Variants in TXNDC8 observed in about 807,000 individuals in gnomAD.
TXNDC8 encodes thioredoxin domain-containing protein 8.
In TXNDC8, 15 loss-of-function variants were observed where a neutral mutation model predicts 12.9. That is an observed-to-expected ratio of 1.16 (90% CI 0.78 to 1.79). The LOEUF is 1.79. TXNDC8 is among the 40% of genes most tolerant of loss of function. TXNDC8 has a pLI of 0.00. For synonymous variants in TXNDC8, 40 were observed against 35.4 expected (o/e 1.13, Z -0.46); for missense variants, 128 against 113.2 (o/e 1.13, Z -0.59).
Position 110,325,513 on chromosome 9 carries a change from C to CTT in TXNDC8, c.195+660_195+661dup, listed in dbSNP as rs201113003. 9.6e-3 allele frequency among the ~76,000 whole-genome samples: 1,124 copies of CTT among 117,512 alleles called. 29 individuals are homozygous for CTT. The highest frequency in any genetic ancestry group is 0.036 in the African/African-American group (1,003 of 28,056). 77.1% of individuals were successfully genotyped at this position (117,512 alleles called of 152,430 possible). ...CAAGTATTGTTTAAACTTGTATACA[C>CTT]TTTTTTTTTTTTTTTTTTTTTGAGA... On this transcript the variant is annotated intron_variant, in intron 3 of 4. Coordinates refer to ENST00000423740, the MANE Select transcript of TXNDC8 (RefSeq NM_001286946.2).
chr9:110,308,039 A>G (rs544419257), intron 3 of TXNDC8, among the ~76,000 whole-genome samples: 1 of 152,326 alleles, frequency 6.6e-6, no homozygotes, highest in South Asian at 2.1e-4. Flanking sequence ...TTCTGAGTGG[A>G]GTTACCCCTG....
chr9:110,336,423 G>A (rs1839762516), intron 1 of TXNDC8, among the ~76,000 whole-genome samples: 1 of 152,126 alleles, frequency 6.6e-6, no homozygotes, highest in African/African-American at 2.4e-5. Context: ...AAGTTGTAAG[G>A]TAGATGCTAT....
At chr9:110,329,079 G>A (rs1259176970) in intron 2 of TXNDC8, among the ~76,000 whole-genome samples, 153 bp downstream of exon 3, 5 of 152,008 alleles carry the variant, frequency 3.3e-5, no homozygotes, top group Admixed American at 6.6e-5. Context: ...ACATATAAGA[G>A]CATAATGAGG....
In TXNDC8 at chr9:110,322,344, T is replaced by C. The variant is rs544977577; in HGVS notation, c.195+3831A>G. ...GAATATGGAAGTGTAATCATCTTAATGGTTTAATTTGTTTTCTAATAGCTG... is the reference window on the plus strand; with the variant it reads ...GAATATGGAAGTGTAATCATCTTAACGGTTTAATTTGTTTTCTAATAGCTG... On this transcript the variant is annotated intron_variant, in intron 3 of 4. Coordinates refer to ENST00000423740, the MANE Select transcript of TXNDC8 (RefSeq NM_001286946.2). 4.1e-6 allele frequency: 4 copies of C among 980,098 alleles called. No individual in the cohort carries two copies. The East Asian group carries it at 4.6e-4, about 112-fold the overall frequency. 60.7% of individuals were successfully genotyped at this position (980,098 alleles called of 1,614,324 possible).
At chr9:110,331,657 G>C (rs1839547361) in intron 2 of TXNDC8, among the ~76,000 whole-genome samples, 1 of 152,178 alleles carries the variant, frequency 6.6e-6, no homozygotes, top group Non-Finnish European at 1.5e-5. Context: ...CTGGGGGTGG[G>C]GGGATGGTTT....
At chr9:110,321,726 A>C in intron 3 of TXNDC8, among the ~76,000 whole-genome samples, 1 of 90,276 alleles carries the variant, frequency 1.1e-5, no homozygotes, top group African/African-American at 4.2e-5. Flanking sequence ...AGTTCTATGA[A>C]AAAAAAAAAA....
intron 3 of TXNDC8, among the ~76,000 whole-genome samples, chr9:110,316,135 G>A (rs1838878399): frequency 1.3e-5 from 2 of 148,542 alleles, no homozygotes; most frequent in African/African-American, 2.5e-5. Context: ...GGCTGGTCTC[G>A]AACACCTGGC....
intron 2 of TXNDC8, among the ~76,000 whole-genome samples, chr9:110,331,654 TG>T (rs1414781918): frequency 6.6e-6 from 1 of 151,942 alleles, no homozygotes. Context: ...AGACTGGGGG[TG>T]GGGGGATGGT....
intron 3 of TXNDC8, among the ~76,000 whole-genome samples, chr9:110,320,333 T>G (rs1839043774): frequency 6.6e-6 from 1 of 152,158 alleles, no homozygotes; most frequent in Non-Finnish European, 1.5e-5. Flanking sequence ...GAATAAGTCT[T>G]ATGAGAACCT....
intron 3 of TXNDC8, among the ~76,000 whole-genome samples, chr9:110,313,443 G>A (rs944342089): frequency 6.6e-6 from 1 of 151,984 alleles, no homozygotes; most frequent in Non-Finnish European, 1.5e-5. Flanking sequence ...GCTCACACCT[G>A]TAATCTCAGC....
At chr9:110,310,489 A>T (rs1838625103) in intron 3 of TXNDC8, among the ~76,000 whole-genome samples, 2 of 152,148 alleles carry the variant, frequency 1.3e-5, no homozygotes, top group South Asian at 4.1e-4. Context: ...AATCTACAAG[A>T]TGTACTTCTA....
chr9:110,332,086 G>A (rs62580834), intron 2 of TXNDC8, among the ~76,000 whole-genome samples: 22,571 of 152,258 alleles, frequency 0.15, 2,124 homozygotes, highest in Middle Eastern at 0.29. Flanking sequence ...GTGGGTCTGT[G>A]CTGTTCTGAA....
chr9:110,323,192 A>G, intron 3 of TXNDC8: 8 of 985,458 alleles, frequency 8.1e-6, no homozygotes, highest in Non-Finnish European at 8.4e-6. Flanking sequence ...TAAGTAAAAA[A>G]GTATTTATAG....
intron 3 of TXNDC8, among the ~76,000 whole-genome samples, chr9:110,313,768 G>T (rs577087222): frequency 7.9e-5 from 12 of 152,088 alleles, no homozygotes; most frequent in Non-Finnish European, 1.3e-4. Flanking sequence ...TTCCAGGATT[G>T]TTCTTTTGTT....
intron 3 of TXNDC8, among the ~76,000 whole-genome samples, chr9:110,309,210 A>T (rs1183197120): frequency 4.6e-5 from 7 of 152,192 alleles, no homozygotes; most frequent in African/African-American, 1.7e-4. Context: ...AAGAGAAACA[A>T]CATTTGCTCC....
intron 2 of TXNDC8, among the ~76,000 whole-genome samples, chr9:110,330,063 A>G (rs988262644): frequency 6.6e-6 from 1 of 152,210 alleles, no homozygotes; most frequent in Non-Finnish European, 1.5e-5. Context: ...CAGTGACAAC[A>G]GTGGCCTGTA....
At position 110,313,210 on chromosome 9, in the gene TXNDC8, G is replaced by A. The variant is rs571428528; in HGVS notation, c.196-8678C>T. Among the ~76,000 whole-genome samples, 16 of 152,080 alleles carry A rather than the reference G, an allele frequency of 1.1e-4. No individual in the cohort carries two copies. The South Asian group carries it at 2.9e-3, about 28-fold the overall frequency. The stretch of plus-strand genomic sequence containing the variant: ...TGTGAGCCACCATGCCTGCCCCTAC[G>A]AGTCTTCAAAATAATGTTTCAATTT... On this transcript the variant is annotated intron_variant, in intron 3 of 4. Transcript: ENST00000423740.
At chr9:110,305,811 C>T (rs113137481) in intron 3 of TXNDC8, among the ~76,000 whole-genome samples, 13 of 77,068 alleles carry the variant, frequency 1.7e-4, no homozygotes, top group Middle Eastern at 7.1e-3. Context: ...TCTTTTCTTT[C>T]CTTTCCTTTC....
chr9:110,331,382 TC>T (rs1839535881), intron 2 of TXNDC8, among the ~76,000 whole-genome samples: 2 of 152,298 alleles, frequency 1.3e-5, no homozygotes, highest in East Asian at 3.9e-4. Context: ...GCCTCCCGTT[TC>T]CCATGACTTC....
Sources: allele counts gnomAD v4.1 joint callset (sites outside exome capture counted in the v4.1 genomes callset), GRCh38; gene constraint gnomAD v4.1.1; transcripts MANE v1.5; gene names NCBI Gene and HGNC (gene_info 2026-07-23, HGNC 2026-07-21).